RBFOX1: variants seen among roughly 807,000 people sequenced by gnomAD.
RBFOX1 encodes the protein RNA binding protein fox-1 homolog 1.
In RBFOX1, 8 loss-of-function variants were observed where a neutral mutation model predicts 57.7. The observed-to-expected ratio is 0.14, with a 90% CI of 0.08 to 0.25. RBFOX1 has a LOEUF of 0.25. Among genes scored for constraint, RBFOX1 ranks in the 10% least tolerant of loss-of-function variants. RBFOX1 has a pLI of 1.00. For synonymous variants in RBFOX1, 326 were observed against 222.4 expected, an observed-to-expected ratio of 1.47 and a Z score of -4.15; for missense variants, 611 against 548.5, an observed-to-expected ratio of 1.11 and a Z score of -1.14.
intron 2 of RBFOX1, among the ~76,000 whole-genome samples, chr16:6,585,701 C>T (rs935552937): frequency 3.3e-5 from 5 of 152,014 alleles, no homozygotes; most frequent in Non-Finnish European, 5.9e-5. Flanking sequence ...TAACTGTAAT[C>T]ATGCACCTGT....
intron 3 of RBFOX1, among the ~76,000 whole-genome samples, chr16:6,850,336 A>G (rs1262400391): frequency 6.6e-6 from 1 of 152,220 alleles, no homozygotes. Flanking sequence ...GTTGTTCTAC[A>G]AAATAAAATT....
chr16:6,862,439 G>A (rs1467871648), intron 3 of RBFOX1, among the ~76,000 whole-genome samples: 1 of 152,162 alleles, frequency 6.6e-6, no homozygotes, highest in Middle Eastern at 3.2e-3. Context: ...CGGTGCTATG[G>A]GGATGCAATG....
At chr16:5,797,950 A>G (rs940156054) in intron 3 of RBFOX1, among the ~76,000 whole-genome samples, 5 of 152,222 alleles carry the variant, frequency 3.3e-5, no homozygotes, top group African/African-American at 9.6e-5. Context: ...AGAGATGCTC[A>G]GTAAATATGC....
chr16:5,834,690 G>GATAC (rs2056396393), intron 3 of RBFOX1, among the ~76,000 whole-genome samples: 1 of 112,544 alleles, frequency 8.9e-6, no homozygotes, highest in Non-Finnish European at 1.7e-5. Context: ...GGGATAGGTA[G>GATAC]ATAGATAGAT....
chr16:5,270,352 T>C (rs2062974036), intron 1 of RBFOX1: 6 of 1,040,432 alleles, frequency 5.8e-6, no homozygotes, highest in African/African-American at 3.1e-5. Context: ...TTGCATCTGA[T>C]GGTCTCAAGG....
At chr16:6,128,374 C>G (rs1018060711) in intron 1 of RBFOX1, among the ~76,000 whole-genome samples, 4 of 152,126 alleles carry the variant, frequency 2.6e-5, no homozygotes, top group Admixed American at 6.5e-5. Context: ...ACAACTGATA[C>G]CAGGTTGGTC....
At chr16:7,419,525 G>A (rs532722980) in intron 4 of RBFOX1, among the ~76,000 whole-genome samples, 1 of 152,324 alleles carries the variant, frequency 6.6e-6, no homozygotes, top group Admixed American at 6.5e-5. Flanking sequence ...CTGCGCATTT[G>A]AATAATACAT....
intron 15 of RBFOX1, chr16:7,710,214 TTCTGCATTCAACAAC>T (rs2083765064): frequency 1.9e-6 from 2 of 1,038,780 alleles, no homozygotes; most frequent in African/African-American, 1.7e-5. Context: ...TTCATCCCAA[TTCTGCATTCAACAAC>T]TCTGCTTCAA....
chr16:6,446,406 C>T (rs1021976625), intron 2 of RBFOX1, among the ~76,000 whole-genome samples: 5 of 152,138 alleles, frequency 3.3e-5, no homozygotes, highest in South Asian at 2.1e-4. Context: ...TAAATCACTT[C>T]ATTGTTTTCG....
rs3826206 is a variant in RBFOX1 at position 7,688,937 on chromosome 16, C to G, written c.995+12099C>G. ...ACACCTCACTGCTGATTAAATACCC[C>G]CTACGTGAATGTTCCAAGCAGAACC... On this transcript the variant is annotated intron_variant, in intron 14 of 15. Coordinates refer to ENST00000550418, the MANE Select transcript of RBFOX1 (RefSeq NM_018723.4). Among the ~76,000 whole-genome samples the G allele has an allele frequency of 2.6e-3, 394 of 151,978 alleles. 15 individuals carry two copies. The East Asian group carries it at 0.067, about 26-fold the overall frequency.
chr16:6,380,033 T>C (rs868447017), intron 2 of RBFOX1, among the ~76,000 whole-genome samples: 10 of 151,930 alleles, frequency 6.6e-5, no homozygotes, highest in Middle Eastern at 3.4e-3. Flanking sequence ...AAAGAGCAAG[T>C]TGGGGTGTAA....
At position 5,378,775 on chromosome 16, in the gene RBFOX1, G is replaced by A. The variant is rs568694896; in HGVS notation, c.220-88441G>A. On this transcript the variant is annotated intron_variant, in intron 1 of 2. Transcript: ENST00000585867. ...CTGTAAAATGGGAGATAATGCTAATGCCCATCTCATCCTTGTAAAGTGATT... is the reference window on the plus strand; with the variant it reads ...CTGTAAAATGGGAGATAATGCTAATACCCATCTCATCCTTGTAAAGTGATT... Among the ~76,000 whole-genome samples, 84 of 151,694 alleles carry A rather than the reference G, an allele frequency of 5.5e-4. 4 individuals are homozygous for A. Among genetic ancestry groups the A allele is most frequent in the African/African-American group, 1.9e-3 (77 of 40,992 alleles).
In RBFOX1 at chr16:5,239,827, G is replaced by A. The variant is rs906849660; in HGVS notation, c.-60G>A. Reference sequence around the variant, plus strand: ...CGCGCTCAGACGCCCCAGCTCCGCCGAGAGGCCGCTCGCGCCGGGTCCTTC... The same window carrying A: ...CGCGCTCAGACGCCCCAGCTCCGCCAAGAGGCCGCTCGCGCCGGGTCCTTC... On this transcript the variant is annotated 5_prime_UTR_variant, in exon 1 of 3. Transcript: ENST00000585867. The A allele has an allele frequency of 1.1e-4, 115 of 1,028,378 alleles. No individual in the cohort carries two copies. In the African/African-American group the frequency reaches 1.6e-3, roughly 15 times the overall value. The allele number at this position is 1,028,378 out of a possible 1,614,324, so 63.7% of individuals were successfully genotyped here.
At chr16:6,370,845 A>T (rs1372587237) in intron 2 of RBFOX1, among the ~76,000 whole-genome samples, 2 of 152,342 alleles carry the variant, frequency 1.3e-5, no homozygotes, top group South Asian at 4.1e-4. Context: ...TATGTAATGT[A>T]TATTTTGCTA....
intron 1 of RBFOX1, among the ~76,000 whole-genome samples, chr16:5,319,570 G>C (rs1003735247): frequency 2.0e-5 from 3 of 152,224 alleles, no homozygotes; most frequent in African/African-American, 7.2e-5. Context: ...CTAGGGCCCA[G>C]GGACAATCCA....
chr16:5,396,216 G>A (rs560682960), intron 1 of RBFOX1, among the ~76,000 whole-genome samples: 5 of 152,308 alleles, frequency 3.3e-5, no homozygotes, highest in African/African-American at 1.2e-4. Flanking sequence ...GTGAAACAAG[G>A]CATCTGAAAT....
At chr16:7,448,124 T>G (rs902375432) in intron 4 of RBFOX1, among the ~76,000 whole-genome samples, 5 of 152,248 alleles carry the variant, frequency 3.3e-5, no homozygotes, top group Non-Finnish European at 1.5e-5. Flanking sequence ...AAAGGATGAA[T>G]GGCAGCTGCC....
chr16:6,816,921 AT>A (rs1340326720), intron 3 of RBFOX1, among the ~76,000 whole-genome samples: 1 of 151,254 alleles, frequency 6.6e-6, no homozygotes, highest in African/African-American at 2.4e-5. Flanking sequence ...TTTTTTTTGT[AT>A]TTTTTGGAGA....
intron 3 of RBFOX1, among the ~76,000 whole-genome samples, chr16:6,845,989 G>C (rs1045872410): frequency 2.0e-5 from 3 of 152,160 alleles, no homozygotes; most frequent in Non-Finnish European, 4.4e-5. Flanking sequence ...ATGCATCAAT[G>C]CATCTCTGTA....
Sources: gnomAD v4.1 joint callset for allele counts (sites outside exome capture counted in the v4.1 genomes callset) on GRCh38, gnomAD v4.1.1 for gene constraint, MANE v1.5 for transcripts, NCBI Gene and HGNC (gene_info 2026-07-23, HGNC 2026-07-21) for gene names.